The following VPS33B variants were observed in gnomAD, a reference collection of about 807,000 sequenced individuals.
VPS33B encodes the protein VPS33B late endosome and lysosome associated.
In VPS33B, 80 loss-of-function variants were observed where a neutral mutation model predicts 95.3. The observed-to-expected ratio is 0.84, with a 90% CI of 0.70 to 1.01. The LOEUF is 1.01. Ranked by LOEUF, VPS33B falls within the 50% of genes least tolerant of loss-of-function variation. VPS33B has a pLI of 0.00. For synonymous variants in VPS33B, 280 were observed against 280.4 expected (o/e 1.00, Z 0.01); for missense variants, 715 against 773.4 (o/e 0.92, Z 0.90).
In VPS33B at chr15:91,018,909, G is replaced by A. The variant is rs561915179; in HGVS notation, c.97-1024C>T. On this transcript the variant is annotated intron_variant, in intron 1 of 22. Coordinates refer to ENST00000333371, the MANE Select transcript of VPS33B (RefSeq NM_018668.5). This position sits in a 1 kb window ranked among gnomAD's most constrained non-coding sequence, Gnocchi z 4.7. ...CGGCTCACTGCAACCTCCGCCTCCCGGATTCAAGCAATTCTCTGCCTCAGC... is the reference window on the plus strand; with the variant it reads ...CGGCTCACTGCAACCTCCGCCTCCCAGATTCAAGCAATTCTCTGCCTCAGC... Among the ~76,000 whole-genome samples the A allele has an allele frequency of 2.6e-5, 4 of 151,620 alleles. No homozygotes were observed. The highest frequency in any genetic ancestry group is 3.9e-4 in the East Asian group (2 of 5,134).
At chr15:91,022,014 T>C (rs2041116717) in intron 1 of VPS33B, 140 bp downstream of exon 1, 2 of 958,220 alleles carry the variant, frequency 2.1e-6, no homozygotes, top group Admixed American at 4.3e-5. Context: ...ACTCCCTGGA[T>C]TCATTCTGGA....
rs71463786 is a variant in VPS33B, at chr15:91,015,752, G to GC, written c.239+1210dup. On this transcript the variant is annotated intron_variant, in intron 3 of 22. Coordinates refer to ENST00000333371, the MANE Select transcript of VPS33B (RefSeq NM_018668.5). This position sits in a 1 kb window ranked among gnomAD's most constrained non-coding sequence, Gnocchi z 4.7. ...AGACTGAGGTAGGAGGATCCCTTGAGCCAGGAGCTCAAGGCTGCAGTGAGC... is the reference window on the plus strand; with the variant it reads ...AGACTGAGGTAGGAGGATCCCTTGAGCCCAGGAGCTCAAGGCTGCAGTGAGC... Among the ~76,000 whole-genome samples the GC allele has an allele frequency of 0.14, 21,153 of 152,110 alleles. 1,860 individuals are homozygous for GC. Among genetic ancestry groups the GC allele is most frequent in the African/African-American group, 0.25 (10,286 of 41,462 alleles).
intron 1 of VPS33B, among the ~76,000 whole-genome samples, chr15:91,019,697 G>A (rs983293568): frequency 6.6e-6 from 1 of 152,144 alleles, no homozygotes; most frequent in African/African-American, 2.4e-5. Flanking sequence ...CACTTAGGGA[G>A]TTAATAAAAC....
intron 6 of VPS33B, 88 bp from the exon 7 acceptor site, chr15:91,008,052 T>A: frequency 8.2e-7 from 1 of 1,215,660 alleles, no homozygotes; most frequent in Non-Finnish European, 1.2e-6. Context: ...TTTGAGTGCG[T>A]GCAACAAATA....
Position 91,018,709 on chromosome 15 carries a change from C to A in VPS33B, c.97-824G>T, listed in dbSNP as rs1002139365. On this transcript the variant is annotated intron_variant, in intron 1 of 22. Transcript: ENST00000333371. The surrounding 1 kb of genome is among the most constrained non-coding windows in gnomAD (Gnocchi z 4.7). Reference sequence around the variant, plus strand: ...AGAGGCCAGGGGTGCTGCTAGACATCCAACAATGCACAGGCCAGCCCCCAC... The same window carrying A: ...AGAGGCCAGGGGTGCTGCTAGACATACAACAATGCACAGGCCAGCCCCCAC... Among the ~76,000 whole-genome samples the A allele has an allele frequency of 1.3e-5, 2 of 152,168 alleles. No homozygotes were observed. Among genetic ancestry groups the A allele is most frequent in the Non-Finnish European group, 2.9e-5 (2 of 68,026 alleles).
chr15:91,000,694 A>G lies in VPS33B; in HGVS notation c.1480-103T>C. The G allele has an allele frequency of 4.9e-6, 5 of 1,013,112 alleles. No individual in the cohort carries two copies. The highest frequency in any genetic ancestry group is 7.5e-6 in the Non-Finnish European group (5 of 670,372). 62.8% of individuals were successfully genotyped at this position (1,013,112 alleles called of 1,614,324 possible). A position where few individuals can be genotyped will look rare whatever the true frequency, so the allele number is the denominator to read the frequency against. On this transcript the variant is annotated intron_variant, in intron 19 of 22. Transcript: ENST00000333371. The surrounding 1 kb of genome is among the most constrained non-coding windows in gnomAD (Gnocchi z 4.9). ...GGCCCAAGGAACAATTCTTATTTCAACTAAAGGGAGAACCAGCAATAGCCC... is the reference window on the plus strand; with the variant it reads ...GGCCCAAGGAACAATTCTTATTTCAGCTAAAGGGAGAACCAGCAATAGCCC...
In VPS33B at chr15:90,998,871, G is replaced by A; in HGVS notation, c.*104C>T. ...ACACGTTCCATGCTCCCGGCTCTTAGCAGGTAGTTGGTGGACACTTGGTTA... is the reference window on the plus strand; with the variant it reads ...ACACGTTCCATGCTCCCGGCTCTTAACAGGTAGTTGGTGGACACTTGGTTA... On this transcript the variant is annotated 3_prime_UTR_variant, in exon 23 of 23. Transcript: ENST00000333371. The surrounding 1 kb of genome is among the most constrained non-coding windows in gnomAD (Gnocchi z 4.8). The A allele has an allele frequency of 4.1e-6, 5 of 1,213,600 alleles. No homozygotes were observed. The highest frequency in any genetic ancestry group is 6.0e-6 in the Non-Finnish European group (5 of 831,392). The allele number at this position is 1,213,600 out of a possible 1,614,324, so 75.2% of individuals were successfully genotyped here. A position where few individuals can be genotyped will look rare whatever the true frequency, so the allele number is the denominator to read the frequency against.
At position 91,018,731 on chromosome 15, in the gene VPS33B, C is replaced by T. The variant is rs946570912; in HGVS notation, c.97-846G>A. Among the ~76,000 whole-genome samples, 1 of 152,144 alleles carries T rather than the reference C, an allele frequency of 6.6e-6. No individual in the cohort carries two copies. Among genetic ancestry groups the T allele is most frequent in the Non-Finnish European group, 1.5e-5 (1 of 68,026 alleles). On this transcript the variant is annotated intron_variant, in intron 1 of 22. Transcript: ENST00000333371. This position sits in a 1 kb window ranked among gnomAD's most constrained non-coding sequence, Gnocchi z 4.7. ...CATCCAACAATGCACAGGCCAGCCC[C>T]CACCACAAAGAATGATCCAGCCCAA...
rs1439753798 is a variant in VPS33B, at chr15:91,005,228, A to G, written c.1106-109T>C. The G allele has an allele frequency of 2.5e-6, 4 of 1,611,566 alleles. No homozygotes were observed. The African/African-American group carries it at 5.3e-5, about 22-fold the overall frequency. ...TCTTTCTCCATCCTTGGGGTGGGTT[A>G]AGGGACCCCCAGGACTTCTAGCAGG... is the stretch of plus-strand genomic sequence containing the variant. On this transcript the variant is annotated intron_variant, in intron 14 of 22. Transcript: ENST00000333371. The surrounding 1 kb of genome is among the most constrained non-coding windows in gnomAD (Gnocchi z 6.4).
chr15:91,010,630 C>T lies in VPS33B; in HGVS notation c.358-784G>A, dbSNP rs1369548927. On this transcript the variant is annotated intron_variant, in intron 5 of 22. Coordinates refer to ENST00000333371, the MANE Select transcript of VPS33B (RefSeq NM_018668.5). The surrounding 1 kb of genome is among the most constrained non-coding windows in gnomAD (Gnocchi z 5.7). ...AAATAAATAAAGTAGATGGTCTGTC[C>T]AAGAGAAAAGAACACGCAGAGGAGA... 6.6e-6 allele frequency among the ~76,000 whole-genome samples: 1 copy of T among 151,894 alleles called. No individual in the cohort carries two copies. Among genetic ancestry groups the T allele is most frequent in the Non-Finnish European group, 1.5e-5 (1 of 67,996 alleles).
chr15:91,009,774 T>C lies in VPS33B; in HGVS notation c.403+27A>G. 6.2e-7 allele frequency: 1 copy of C among 1,614,028 alleles called. No homozygotes were observed. The highest frequency in any genetic ancestry group is 8.5e-7 in the Non-Finnish European group (1 of 1,179,892). ...TTTTCTTCTGTATGTTCTCTTTCCCTTTCCACTCACATTCATCTCCTCTCA... is the reference window on the plus strand; with the variant it reads ...TTTTCTTCTGTATGTTCTCTTTCCCCTTCCACTCACATTCATCTCCTCTCA... On this transcript the variant is annotated intron_variant, in intron 6 of 22. Coordinates refer to ENST00000333371, the MANE Select transcript of VPS33B (RefSeq NM_018668.5). The surrounding 1 kb of genome is among the most constrained non-coding windows in gnomAD (Gnocchi z 4.1).
rs972821899 is a variant in VPS33B at position 91,011,359 on chromosome 15, T to C, written c.358-1513A>G. 2.0e-5 allele frequency among the ~76,000 whole-genome samples: 3 copies of C among 152,250 alleles called. No homozygotes were observed. Among genetic ancestry groups the C allele is most frequent in the African/African-American group, 7.2e-5 (3 of 41,478 alleles). On this transcript the variant is annotated intron_variant, in intron 5 of 22. Transcript: ENST00000333371. This position sits in a 1 kb window ranked among gnomAD's most constrained non-coding sequence, Gnocchi z 5.5. ...ACTAGCTCTGTGAGATGTAGATCAA[T>C]GCTACGTGCTCCTTATTTTACTGTT...
rs572432465 is a variant in VPS33B at position 91,018,794 on chromosome 15, T to A, written c.97-909A>T. On this transcript the variant is annotated intron_variant, in intron 1 of 22. Transcript: ENST00000333371. This position sits in a 1 kb window ranked among gnomAD's most constrained non-coding sequence, Gnocchi z 4.7. ...ATAGAGAGCAGGAAATCTTTTTTTT[T>A]AAATCTTATTTGTTGTTTTGTTTTG... 5.7e-4 allele frequency among the ~76,000 whole-genome samples: 87 copies of A among 152,258 alleles called. No homozygotes were observed. Among genetic ancestry groups the A allele is most frequent in the Middle Eastern group, 6.8e-3 (2 of 294 alleles).
rs937895505 is a variant in VPS33B at position 91,013,243 on chromosome 15, A to G, written c.357+561T>C. Among the ~76,000 whole-genome samples the G allele has an allele frequency of 7.9e-5, 12 of 152,348 alleles. No individual in the cohort carries two copies. The highest frequency in any genetic ancestry group is 2.9e-4 in the African/African-American group (12 of 41,582). On this transcript the variant is annotated intron_variant, in intron 5 of 22. Coordinates refer to ENST00000333371, the MANE Select transcript of VPS33B (RefSeq NM_018668.5). This position sits in a 1 kb window ranked among gnomAD's most constrained non-coding sequence, Gnocchi z 4.5. The stretch of plus-strand genomic sequence containing the variant: ...AATTCCACAATACTTTATTTGGGAC[A>G]GTATGATGACAGACCCTCTGCTAAA...
rs1466975738 is a variant in VPS33B at position 91,011,693 on chromosome 15, C to T, written c.358-1847G>A. On this transcript the variant is annotated intron_variant, in intron 5 of 22. Transcript: ENST00000333371. This position sits in a 1 kb window ranked among gnomAD's most constrained non-coding sequence, Gnocchi z 5.5. Reference sequence around the variant, plus strand: ...CTTGTAGGATTATTCCCTGTTAATACAAATCTGTCCTTGGCCAGGCGCAGT... The same window carrying T: ...CTTGTAGGATTATTCCCTGTTAATATAAATCTGTCCTTGGCCAGGCGCAGT... Among the ~76,000 whole-genome samples, 1 of 152,124 alleles carries T rather than the reference C, an allele frequency of 6.6e-6. No individual in the cohort carries two copies. Among genetic ancestry groups the T allele is most frequent in the Non-Finnish European group, 1.5e-5 (1 of 68,016 alleles).
intron 3 of VPS33B, among the ~76,000 whole-genome samples, chr15:91,014,807 C>T (rs1428058161): frequency 6.6e-6 from 1 of 152,194 alleles, no homozygotes; most frequent in Non-Finnish European, 1.5e-5. Context: ...AAAATAAAGG[C>T]TGGGCATGGT....
Position 91,006,110 on chromosome 15 carries a change from A to G in VPS33B, c.853-51T>C. 6.3e-7 allele frequency: 1 copy of G among 1,595,728 alleles called. No individual in the cohort carries two copies. Among genetic ancestry groups the G allele is most frequent in the Non-Finnish European group, 8.6e-7 (1 of 1,165,018 alleles). ...GCTTACTCTGTCAGAACCATAACTT[A>G]GCAGTAGAATGACAGTACAGGAAGG... On this transcript the variant is annotated intron_variant, in intron 11 of 22. Coordinates refer to ENST00000333371, the MANE Select transcript of VPS33B (RefSeq NM_018668.5). This position sits in a 1 kb window ranked among gnomAD's most constrained non-coding sequence, Gnocchi z 5.4.
chr15:91,004,904 T>A lies in VPS33B; in HGVS notation c.1198A>T (p.Met400Leu). The change falls in exon 16 of 23, where the codon ATG becomes TTG. Residue 400 changes from methionine to leucine, a missense_variant. Transcript: ENST00000333371. ...TTCTCAGTGATGGACAAAAGGCACA[T>A]GAGGCGCAGGCTTTCTATAGGCGAC... Reference protein sequence around the residue: ...QVSPIESLRLMCLLSITENGL... With the variant: ...QVSPIESLRLLCLLSITENGL... The A allele has an allele frequency of 6.2e-7, 1 of 1,614,218 alleles. No homozygotes were observed. The highest frequency in any genetic ancestry group is 8.5e-7 in the Non-Finnish European group (1 of 1,180,046).
chr15:91,019,682 G>A lies in VPS33B; in HGVS notation c.97-1797C>T, dbSNP rs543652942. On this transcript the variant is annotated intron_variant, in intron 1 of 22. Transcript: ENST00000333371. ...GAAGACCAGAGAAACAGGAGGCAGGGAGTCCACTTAGGGAGTTAATAAAAC... is the reference window on the plus strand; with the variant it reads ...GAAGACCAGAGAAACAGGAGGCAGGAAGTCCACTTAGGGAGTTAATAAAAC... Among the ~76,000 whole-genome samples the A allele has an allele frequency of 2.0e-5, 3 of 152,300 alleles. No individual in the cohort carries two copies. In the South Asian group the frequency reaches 6.2e-4, roughly 32 times the overall value.
Sources: gnomAD v4.1 joint callset for allele counts (sites outside exome capture counted in the v4.1 genomes callset) on GRCh38, gnomAD v4.1.1 for gene constraint, Gnocchi (gnomAD v3.1) non-coding constraint, MANE v1.5 for transcripts, NCBI Gene and HGNC (gene_info 2026-07-23, HGNC 2026-07-21) for gene names.